CYLC1: variants seen among roughly 807,000 people sequenced by gnomAD.
CYLC1 encodes cylicin-1.
CYLC1 carries 2 observed loss-of-function variants against 31.6 expected under a neutral mutation model. The observed-to-expected ratio is 0.06, with a 90% CI of 0.03 to 0.20. CYLC1 has a LOEUF of 0.20. Ranked by LOEUF, CYLC1 falls within the 10% of genes least tolerant of loss-of-function variation. The probability of loss-of-function intolerance (pLI) is 1.00; values close to 1 mark genes in which losing one functional copy is unlikely to be tolerated. For synonymous variants in CYLC1, 185 were observed against 153.0 expected, an observed-to-expected ratio of 1.21 and a Z score of -1.54; for missense variants, 595 against 424.1, an observed-to-expected ratio of 1.40 and a Z score of -3.54.
intron 4 of CYLC1, among the ~76,000 whole-genome samples, chrX:83,878,686 T>C (rs1400414835): frequency 9.8e-6 from 1 of 101,624 alleles, no homozygotes; most frequent in Non-Finnish European, 2.0e-5. Flanking sequence ...ATTTTTCCTC[T>C]AGATATGTCA....
At chrX:83,878,464 A>T (rs750513105) in intron 4 of CYLC1, among the ~76,000 whole-genome samples, 15 of 21,000 alleles carry the variant, frequency 7.1e-4, no homozygotes, top group African/African-American at 1.4e-3. Flanking sequence ...AATATATATA[A>T]ATATATATAT....
chrX:83,877,909 A>AATATAT (rs1180924227), intron 4 of CYLC1, among the ~76,000 whole-genome samples: 2 of 21,009 alleles, frequency 9.5e-5, no homozygotes, highest in African/African-American at 1.9e-4. Context: ...AATATATATA[A>AATATAT]ATATATATAT....
At chrX:83,864,641 C>G in intron 1 of CYLC1, 1 of 278,901 alleles carries the variant, frequency 3.6e-6, no homozygotes, top group Non-Finnish European at 6.7e-6. Flanking sequence ...AAAATTCATT[C>G]TCCTATACTA....
intron 2 of CYLC1, among the ~76,000 whole-genome samples, chrX:83,870,152 TCTC>T (rs749720975): frequency 1.2e-4 from 13 of 111,696 alleles, no homozygotes; most frequent in Non-Finnish European, 2.5e-4. Context: ...TTTAGTTTGT[TCTC>T]CTTCATAATA....
chrX:83,870,171 C>T (rs941247213), intron 2 of CYLC1, among the ~76,000 whole-genome samples: 15 of 111,307 alleles, frequency 1.3e-4, no homozygotes, highest in African/African-American at 4.9e-4. Flanking sequence ...TAATACAAAC[C>T]AATTTTACTT....
At chrX:83,866,192 T>C (rs2031590145) in intron 1 of CYLC1, among the ~76,000 whole-genome samples, 1 of 111,339 alleles carries the variant, frequency 9.0e-6, no homozygotes, top group Non-Finnish European at 1.9e-5. Context: ...CATTTTCTGC[T>C]CCAAAAATAC....
Position 83,872,894 on chromosome X carries a change from C to A in CYLC1, c.186C>A (p.Asp62Glu). The change falls in exon 4 of 5, where the codon GAC (aspartate) becomes GAA (glutamate). Residue 62 changes from aspartate (D) to glutamate (E), a missense_variant. Asp to Glu is a conservative substitution (Grantham distance 45). Coordinates refer to ENST00000329312, the MANE Select transcript of CYLC1 (RefSeq NM_021118.3). The part of the protein sequence containing the change: ...LKSQITVTRH[D>E]KRKLEEGQKP... Reference sequence around the variant, plus strand: ...CTAACCAATCTTTTCAGAGACATGACAAAAGAAAACTAGAAGAAGGCCAGA... The same window carrying A: ...CTAACCAATCTTTTCAGAGACATGAAAAAAGAAAACTAGAAGAAGGCCAGA... 1 of 1,156,781 alleles carries A rather than the reference C, an allele frequency of 8.6e-7. No homozygotes were observed. Among genetic ancestry groups the A allele is most frequent in the East Asian group, 3.0e-5 (1 of 32,857 alleles).
chrX:83,877,920 A>ATATATAAATATAAATATATATATTTG (rs2031801035), intron 4 of CYLC1, among the ~76,000 whole-genome samples: 20 of 80,649 alleles, frequency 2.5e-4, no homozygotes, highest in African/African-American at 8.7e-4. Flanking sequence ...ATATATATAT[A>ATATATAAATATAAATATATATATTTG]TATATAAATA....
chrX:83,877,564 C>T (rs1400995144), intron 4 of CYLC1, among the ~76,000 whole-genome samples: 3 of 109,549 alleles, frequency 2.7e-5, no homozygotes, highest in Non-Finnish European at 5.7e-5. Context: ...AGATTGTTTT[C>T]TTGCAAAGCC....
At position 83,873,165 on chromosome X, in the gene CYLC1, A is replaced by G. The variant is rs778021437; in HGVS notation, c.457A>G (p.Lys153Glu). Residue 153 changes from lysine to glutamate, a missense_variant, in exon 4 of 5, where the codon AAA becomes GAA. Physicochemically the swap from Lys to Glu is moderately conservative, Grantham distance 56 (BLOSUM62 1). Transcript: ENST00000329312. ...CAAGCAAATAGTAGAAGAGAAAACT[A>G]AAAGACAAAATGAGGCAGATAAAAC... is the stretch of plus-strand genomic sequence containing the variant. ...ESKQIVEEKT[K>E]RQNEADKTPL... The G allele has an allele frequency of 2.5e-6, 3 of 1,205,166 alleles. No homozygotes were observed. Among genetic ancestry groups the G allele is most frequent in the South Asian group, 3.6e-5 (2 of 55,813 alleles).
chrX:83,878,360 A>T (rs868780229), intron 4 of CYLC1, among the ~76,000 whole-genome samples: 1 of 41,108 alleles, frequency 2.4e-5, no homozygotes, highest in African/African-American at 1.0e-4. Context: ...AATATATATA[A>T]ATATATATAA....
At chrX:83,870,220 T>C (rs920572434) in intron 2 of CYLC1, among the ~76,000 whole-genome samples, 41 of 111,409 alleles carry the variant, frequency 3.7e-4, no homozygotes, top group Non-Finnish European at 3.2e-4. Flanking sequence ...ATAATTACAG[T>C]AAAGAAGGCA....
At chrX:83,881,577 G>A (rs1033779570) in intron 4 of CYLC1, among the ~76,000 whole-genome samples, 1 of 109,472 alleles carries the variant, frequency 9.1e-6, no homozygotes, top group East Asian at 2.9e-4. Context: ...ATTGGACGGA[G>A]ATTATTACCA....
chrX:83,881,339 C>G (rs1357050372), intron 4 of CYLC1, among the ~76,000 whole-genome samples: 1 of 110,733 alleles, frequency 9.0e-6, no homozygotes, highest in African/African-American at 3.3e-5. Context: ...CTCTCTTATT[C>G]TGGGCCTGAT....
chrX:83,873,206 A>G lies in CYLC1; in HGVS notation c.498A>G (p.Ser166=). Residue 166 remains serine, a synonymous_variant, in exon 4 of 5, where the codon TCA becomes TCG. Transcript: ENST00000329312. ...NEADKTPLKS[S]HENEQSKKSK... ...CAGATAAAACTCCCTTAAAATCATC[A>G]CATGAAAATGAACAATCCAAGAAGT... The G allele has an allele frequency of 1.7e-6, 2 of 1,205,512 alleles. No homozygotes were observed. The highest frequency in any genetic ancestry group is 3.5e-5 in the African/African-American group (2 of 57,514).
At chrX:83,869,309 C>A (rs1000845723) in intron 1 of CYLC1, among the ~76,000 whole-genome samples, 1 of 110,582 alleles carries the variant, frequency 9.0e-6, no homozygotes, top group Non-Finnish European at 1.9e-5. Context: ...ATTATTTAAT[C>A]ACTCAGGTAT....
At chrX:83,879,168 A>G (rs1166590871) in intron 4 of CYLC1, among the ~76,000 whole-genome samples, 1 of 110,770 alleles carries the variant, frequency 9.0e-6, no homozygotes, top group African/African-American at 3.3e-5. Flanking sequence ...ATCTTTATTA[A>G]CAAAAATACA....
intron 4 of CYLC1, among the ~76,000 whole-genome samples, chrX:83,883,029 T>C (rs2031933666): frequency 9.0e-6 from 1 of 111,412 alleles, no homozygotes; most frequent in South Asian, 3.7e-4. Context: ...GAAAGGGTTT[T>C]ATAAATGACA....
chrX:83,873,282 T>C lies in CYLC1; in HGVS notation c.574T>C (p.Ser192Pro). The part of the protein sequence containing the change: ...NPESQNSKTV[S>P]KNCSQKDKKD... ...AGAATCCCAAAATTCTAAGACAGTC[T>C]CAAAAAATTGTTCACAAAAAGATAA... Residue 192 changes from serine to proline, a missense_variant, in exon 4 of 5, where the codon TCA becomes CCA. Transcript: ENST00000329312. 8.3e-7 allele frequency: 1 copy of C among 1,201,853 alleles called. No homozygotes were observed. Among genetic ancestry groups the C allele is most frequent in the Non-Finnish European group, 1.1e-6 (1 of 891,349 alleles).
Sources: gnomAD v4.1 joint callset for allele counts (sites outside exome capture counted in the v4.1 genomes callset) on GRCh38, gnomAD v4.1.1 for gene constraint, MANE v1.5 for transcripts, NCBI Gene and HGNC (gene_info 2026-07-23, HGNC 2026-07-21) for gene names.